Variants in MOV10L1 observed in about 807,000 individuals in gnomAD.
MOV10L1 encodes the protein RNA helicase Mov10l1.
In MOV10L1, 110 loss-of-function variants were observed where a neutral mutation model predicts 143.8. That is an observed-to-expected ratio of 0.76 (90% CI 0.66 to 0.90). The LOEUF is 0.90. MOV10L1 is among the 40% of genes least tolerant of loss of function. MOV10L1 has a pLI of 0.00. For missense variants in MOV10L1, 1,406 were observed against 1,526.8 expected (o/e 0.92, Z 1.32); for synonymous variants, 593 against 581.1 (o/e 1.02, Z -0.29).
intron 22 of MOV10L1, among the ~76,000 whole-genome samples, 186 bp downstream of exon 22, chr22:50,153,404 T>C (rs545407072): frequency 6.6e-6 from 1 of 152,334 alleles, no homozygotes; most frequent in African/African-American, 2.4e-5. Flanking sequence ...TCCTGCCAGA[T>C]GAGTTGTGCC....
rs2063483235 is a variant in MOV10L1, at chr22:50,158,538, C to T, written c.3216+332C>T. On this transcript the variant is annotated intron_variant, in intron 23 of 26. Transcript: ENST00000262794. The surrounding 1 kb of genome is among the most constrained non-coding windows in gnomAD (Gnocchi z 5.0). ...AACCCAGTGTTTCTCAAAGGGGGCA[C>T]TTTGGGTATATTTGAATGGGACGCT... 2 of 281,688 alleles carry T rather than the reference C, an allele frequency of 7.1e-6. No individual in the cohort carries two copies. The highest frequency in any genetic ancestry group is 5.1e-5 in the South Asian group (1 of 19,526). 17.4% of individuals were successfully genotyped at this position (281,688 alleles called of 1,614,324 possible).
intron 5 of MOV10L1, among the ~76,000 whole-genome samples, chr22:50,113,291 C>T (rs1003664294): frequency 6.6e-6 from 1 of 152,196 alleles, no homozygotes; most frequent in African/African-American, 2.4e-5. Flanking sequence ...GCCCATGCTT[C>T]CCCCACCACC....
At position 50,115,138 on chromosome 22, in the gene MOV10L1, A is replaced by G. The variant is rs2062135396; in HGVS notation, c.1151A>G (p.Asn384Ser). 2 of 1,571,856 alleles carry G rather than the reference A, an allele frequency of 1.3e-6. No individual in the cohort carries two copies. Among genetic ancestry groups the G allele is most frequent in the Non-Finnish European group, 1.7e-6 (2 of 1,167,056 alleles). ...GGTGATTGTACCTGTAAAGGAGAAA[A>G]TGGAGAAAAAGACAACATTCTATCA... ...SPGDCTCKGE[N>S]GEKDNILSRK... The change falls in exon 8 of 27, where the codon AAT becomes AGT. Residue 384 changes from asparagine (N) to serine (S), a missense_variant. By Grantham distance (46) the Asn-to-Ser change is conservative (BLOSUM62 1). Around this residue, in one of 3 missense-constraint regions of MOV10L1, gnomAD observed 1,233 missense variants for 1,351.4 expected, o/e 0.91. Coordinates refer to ENST00000262794, the MANE Select transcript of MOV10L1 (RefSeq NM_018995.3).
intron 2 of MOV10L1, among the ~76,000 whole-genome samples, chr22:50,098,018 G>T (rs2062632833): frequency 6.6e-6 from 1 of 151,916 alleles, no homozygotes; most frequent in Non-Finnish European, 1.5e-5. Context: ...TGTATTTTTA[G>T]TAGAGATGGG....
chr22:50,134,227 C>T (rs2062757726), intron 14 of MOV10L1, among the ~76,000 whole-genome samples, 162 bp downstream of exon 14: 1 of 152,134 alleles, frequency 6.6e-6, no homozygotes, highest in Non-Finnish European at 1.5e-5. Flanking sequence ...TGTTTTCTTA[C>T]TATTTCAACT....
At chr22:50,137,936 G>A (rs764641335) in intron 15 of MOV10L1, among the ~76,000 whole-genome samples, 2 of 150,340 alleles carry the variant, frequency 1.3e-5, no homozygotes, top group Non-Finnish European at 3.0e-5. Context: ...TATGACACAT[G>A]TATATGAGAC....
intron 3 of MOV10L1, among the ~76,000 whole-genome samples, chr22:50,100,699 G>GT (rs2147055736): frequency 6.6e-6 from 1 of 152,096 alleles, no homozygotes; most frequent in East Asian, 1.9e-4. Flanking sequence ...TAGAGACAGG[G>GT]TTTCACCATG....
intron 8 of MOV10L1, 65 bp downstream of exon 8, chr22:50,115,311 GT>G: frequency 3.5e-6 from 5 of 1,420,100 alleles, no homozygotes; most frequent in Non-Finnish European, 4.6e-6. Flanking sequence ...TAGGTTGGGT[GT>G]TATAAAAGGT....
intron 4 of MOV10L1, 57 bp downstream of exon 4, chr22:50,108,305 T>A: frequency 6.8e-7 from 1 of 1,468,708 alleles, no homozygotes; most frequent in Non-Finnish European, 9.4e-7. Flanking sequence ...CCATCAGGGG[T>A]AACTTGCACG....
chr22:50,122,042 A>AG (rs1239231469), intron 10 of MOV10L1, among the ~76,000 whole-genome samples: 1 of 152,094 alleles, frequency 6.6e-6, no homozygotes, highest in Non-Finnish European at 1.5e-5. Flanking sequence ...CTCCCGCCTC[A>AG]GCCTCCCAAA....
At chr22:50,109,877 ATGG>A (rs2061976332) in intron 5 of MOV10L1, among the ~76,000 whole-genome samples, 1 of 151,958 alleles carries the variant, frequency 6.6e-6, no homozygotes, top group Admixed American at 6.6e-5. Flanking sequence ...GAGGCTGGTC[ATGG>A]TGGCTCACGC....
chr22:50,144,323 C>T lies in MOV10L1; in HGVS notation c.2505+80C>T, dbSNP rs2063074917. 5.4e-6 allele frequency: 8 copies of T among 1,491,710 alleles called. No individual in the cohort carries two copies. In the Admixed American group the frequency reaches 1.6e-4, roughly 30 times the overall value. 92.4% of individuals were successfully genotyped at this position (1,491,710 alleles called of 1,614,324 possible). A position where few individuals can be genotyped will look rare whatever the true frequency, so the allele number is the denominator to read the frequency against. On this transcript the variant is annotated intron_variant, in intron 18 of 26. Coordinates refer to ENST00000262794, the MANE Select transcript of MOV10L1 (RefSeq NM_018995.3). Reference sequence around the variant, plus strand: ...GAAATGCCAAGTGGACAGGGGAGGGCAGGGGTAGGAGGGTGGGCACAGAGG... The same window carrying T: ...GAAATGCCAAGTGGACAGGGGAGGGTAGGGGTAGGAGGGTGGGCACAGAGG...
intron 5 of MOV10L1, among the ~76,000 whole-genome samples, chr22:50,109,366 C>T (rs1257521350): frequency 6.6e-6 from 1 of 151,402 alleles, no homozygotes. Flanking sequence ...CTCTACAAAA[C>T]ATTAAAAAAT....
At chr22:50,121,292 T>C (rs1179960771) in intron 10 of MOV10L1, among the ~76,000 whole-genome samples, 1 of 152,080 alleles carries the variant, frequency 6.6e-6, no homozygotes, top group Non-Finnish European at 1.5e-5. Flanking sequence ...AGGGGATCCT[T>C]TCCAAATACA....
intron 3 of MOV10L1, among the ~76,000 whole-genome samples, chr22:50,101,512 G>T (rs1413186501): frequency 6.6e-6 from 1 of 151,254 alleles, no homozygotes; most frequent in Admixed American, 6.6e-5. Context: ...ACCTTTTGTG[G>T]GTTTTGTTTT....
chr22:50,135,825 A>G (rs2062810011), intron 15 of MOV10L1, among the ~76,000 whole-genome samples: 1 of 151,730 alleles, frequency 6.6e-6, no homozygotes, highest in African/African-American at 2.4e-5. Context: ...CATGCCAGGT[A>G]TTGTCCTGGG....
chr22:50,148,514 C>CACCTCCCTT (rs1461271054), intron 19 of MOV10L1, among the ~76,000 whole-genome samples: 2 of 152,210 alleles, frequency 1.3e-5, no homozygotes, highest in Non-Finnish European at 2.9e-5. Flanking sequence ...TCTGCTCCTG[C>CACCTCCCTT]ACCTCCCTTA....
chr22:50,099,976 G>GT (rs1239693587), intron 3 of MOV10L1, among the ~76,000 whole-genome samples: 9 of 144,756 alleles, frequency 6.2e-5, no homozygotes, highest in South Asian at 2.3e-4. Context: ...TCACTGTTTT[G>GT]TTTTTTTTGT....
intron 22 of MOV10L1, among the ~76,000 whole-genome samples, chr22:50,154,578 A>G (rs1324076847): frequency 6.6e-6 from 1 of 151,986 alleles, no homozygotes; most frequent in East Asian, 1.9e-4. Context: ...TAAAAACTAT[A>G]TAAATAAATA....
Sources: allele counts gnomAD v4.1 joint callset (sites outside exome capture counted in the v4.1 genomes callset), GRCh38; gene constraint gnomAD v4.1.1; regional missense constraint gnomAD v4.1.1; non-coding constraint Gnocchi (gnomAD v3.1); transcripts MANE v1.5; gene names NCBI Gene and HGNC (gene_info 2026-07-23, HGNC 2026-07-21).